The following ERC1 variants were observed in gnomAD, a reference collection of about 807,000 sequenced individuals.
ERC1 encodes ELKS/RAB6-interacting/CAST family member 1.
ERC1 carries 56 observed loss-of-function variants against 132.0 expected under a neutral mutation model. The observed-to-expected ratio is 0.42, with a 90% CI of 0.34 to 0.53. ERC1 has a LOEUF of 0.53. ERC1 is among the 20% of genes least tolerant of loss of function. The probability of loss-of-function intolerance (pLI) is 0.03; values close to 1 mark genes in which losing one functional copy is unlikely to be tolerated. For synonymous variants in ERC1, 478 were observed against 476.1 expected, an observed-to-expected ratio of 1.00 and a Z score of -0.05; for missense variants, 1,202 against 1,349.9, an observed-to-expected ratio of 0.89 and a Z score of 1.72.
intron 12 of ERC1, among the ~76,000 whole-genome samples, chr12:1,210,715 G>A (rs1384378700): frequency 2.6e-5 from 4 of 152,158 alleles, no homozygotes; most frequent in Admixed American, 6.5e-5. Flanking sequence ...TTTAGCTAGG[G>A]CTGGGCATGG....
chr12:1,042,518 G>A lies in ERC1; in HGVS notation c.669+13946G>A, dbSNP rs182580110. On this transcript the variant is annotated intron_variant, in intron 2 of 18. Transcript: ENST00000360905. ...CTGCCACTATGCTCACCTAATTTTG[G>A]AATTTTTAGTAGAGACAGGGTTTCA... Among the ~76,000 whole-genome samples the A allele has an allele frequency of 5.1e-3, 772 of 151,082 alleles. 2 individuals are homozygous for A. Among genetic ancestry groups the A allele is most frequent in the Middle Eastern group, 0.014 (4 of 294 alleles).
At chr12:1,265,327 T>C (rs1385044462) in intron 14 of ERC1, among the ~76,000 whole-genome samples, 1 of 152,222 alleles carries the variant, frequency 6.6e-6, no homozygotes, top group African/African-American at 2.4e-5. Flanking sequence ...CATGTCATTA[T>C]GGGATACAGA....
At chr12:1,484,030 G>C (rs1208940549) in intron 18 of ERC1, among the ~76,000 whole-genome samples, 1 of 150,836 alleles carries the variant, frequency 6.6e-6, no homozygotes, top group East Asian at 2.0e-4. Flanking sequence ...TTCCAGCCGG[G>C]CGTGGTGGCT....
intron 17 of ERC1, among the ~76,000 whole-genome samples, chr12:1,423,596 G>A (rs2092509477): frequency 6.6e-6 from 1 of 152,192 alleles, no homozygotes; most frequent in South Asian, 2.1e-4. Flanking sequence ...TCAGGTGGTT[G>A]ATAGAGTCTG....
intron 18 of ERC1, 136 bp from the exon 19 acceptor site, chr12:1,489,957 C>A: frequency 9.7e-7 from 1 of 1,028,348 alleles, no homozygotes; most frequent in Non-Finnish European, 1.4e-6. Flanking sequence ...TGCTTTTACA[C>A]TTTTCTTATG....
chr12:1,465,054 C>T (rs962130679), intron 18 of ERC1, among the ~76,000 whole-genome samples: 3 of 152,104 alleles, frequency 2.0e-5, no homozygotes, highest in African/African-American at 7.2e-5. Context: ...AGTCCCTGAG[C>T]TCCTGCAGGA....
At chr12:1,074,469 C>T (rs938701837) in intron 2 of ERC1, among the ~76,000 whole-genome samples, 3 of 151,912 alleles carry the variant, frequency 2.0e-5, no homozygotes, top group Non-Finnish European at 2.9e-5. Flanking sequence ...AGCTAAGGTT[C>T]GTAGTTTTAG....
At chr12:1,021,763 A>C (rs1415870132) in intron 1 of ERC1, among the ~76,000 whole-genome samples, 1 of 151,438 alleles carries the variant, frequency 6.6e-6, no homozygotes, top group African/African-American at 2.4e-5. Flanking sequence ...ATGCAAACCC[A>C]CTGCCTGTGT....
In ERC1 at chr12:1,408,253, A is replaced by G. The variant is rs1052882505; in HGVS notation, c.3024+6A>G. On this transcript the variant is annotated splice_donor_region_variant and intron_variant, in intron 17 of 18. Transcript: ENST00000360905. ...ACAAGCCCTCCCCAGACCAGGTAAG[A>G]TGGCTCTGGAATGTTTTATTAAAAA... 6.2e-7 allele frequency: 1 copy of G among 1,603,744 alleles called. No individual in the cohort carries two copies. The highest frequency in any genetic ancestry group is 1.3e-5 in the African/African-American group (1 of 74,698).
At chr12:1,406,028 A>G (rs1266499601) in intron 16 of ERC1, among the ~76,000 whole-genome samples, 1 of 152,220 alleles carries the variant, frequency 6.6e-6, no homozygotes, top group African/African-American at 2.4e-5. Flanking sequence ...ATGACATGAA[A>G]AAATGGTCAT....
Position 1,203,013 on chromosome 12 carries a change from A to G in ERC1, c.2351+12961A>G, listed in dbSNP as rs137925771. 1.5e-3 allele frequency among the ~76,000 whole-genome samples: 226 copies of G among 152,344 alleles called. 7 individuals are homozygous for G. In the East Asian group the frequency reaches 0.027, roughly 18 times the overall value. On this transcript the variant is annotated intron_variant, in intron 12 of 18. Coordinates refer to ENST00000360905, the MANE Select transcript of ERC1 (RefSeq NM_178040.4). ...GAGTTTTATAGACTCCTAAGGAAGC[A>G]TCATAAAACAGATAAATTATGCCCA...
intron 1 of ERC1, among the ~76,000 whole-genome samples, chr12:1,013,919 G>A (rs11064640): frequency 0.43 from 65,691 of 151,886 alleles, 14,567 homozygotes; most frequent in Middle Eastern, 0.54. Context: ...AGTTTTTTGT[G>A]GAGACGAGGT....
chr12:1,344,786 G>A (rs373081751), intron 15 of ERC1, among the ~76,000 whole-genome samples: 1 of 152,134 alleles, frequency 6.6e-6, no homozygotes, highest in African/African-American at 2.4e-5. Context: ...ACTCCGTTAA[G>A]TTTACACATT....
intron 2 of ERC1, among the ~76,000 whole-genome samples, chr12:1,057,448 G>A (rs1973178165): frequency 6.6e-6 from 1 of 152,038 alleles, no homozygotes; most frequent in African/African-American, 2.4e-5. Flanking sequence ...TTTGAGAACT[G>A]TCTGTTTAAA....
intron 18 of ERC1, 27 bp downstream of exon 18, chr12:1,444,777 A>G (rs773971100): frequency 5.0e-6 from 8 of 1,597,420 alleles, no homozygotes; most frequent in Non-Finnish European, 6.8e-6. Flanking sequence ...AACTTTGAAA[A>G]GAGCCTGTGA....
chr12:1,180,858 G>C (rs1954376337), intron 9 of ERC1, among the ~76,000 whole-genome samples, 181 bp downstream of exon 9: 1 of 144,682 alleles, frequency 6.9e-6, no homozygotes, highest in African/African-American at 2.9e-5. Context: ...TCTGTGCCCA[G>C]GCTGGAGTGC....
intron 15 of ERC1, among the ~76,000 whole-genome samples, chr12:1,314,679 A>G (rs1386688971): frequency 6.6e-6 from 1 of 152,232 alleles, no homozygotes; most frequent in Admixed American, 6.5e-5. Context: ...TCTAAGAAGT[A>G]AATATGTAAT....
At chr12:1,249,825 T>C (rs781319452) in intron 13 of ERC1, among the ~76,000 whole-genome samples, 4 of 152,190 alleles carry the variant, frequency 2.6e-5, no homozygotes, top group Non-Finnish European at 5.9e-5. Context: ...CAGGTCCACT[T>C]TCTGGTTCAT....
At chr12:1,097,715 ATTT>A (rs544266211) in intron 3 of ERC1, among the ~76,000 whole-genome samples, 12,619 of 137,368 alleles carry the variant, frequency 0.092, 678 homozygotes, top group African/African-American at 0.16. Flanking sequence ...TTAATTTTTA[ATTT>A]TTTTTTTTTT....
Sources: allele counts gnomAD v4.1 joint callset (sites outside exome capture counted in the v4.1 genomes callset), GRCh38; gene constraint gnomAD v4.1.1; transcripts MANE v1.5; gene names NCBI Gene and HGNC (gene_info 2026-07-23, HGNC 2026-07-21).